The following PCMT1 variants were observed in gnomAD, a reference collection of about 807,000 sequenced individuals.
PCMT1 encodes the protein protein-L-isoaspartate(D-aspartate) O-methyltransferase.
Under a neutral mutation model 29.2 loss-of-function variants are expected in PCMT1, and 9 were observed. That is an observed-to-expected ratio of 0.31 (90% confidence interval 0.19 to 0.54). The LOEUF (loss-of-function observed/expected upper bound fraction) is 0.54, where lower values mean the gene tolerates loss of function less well. PCMT1 is among the 20% of genes least tolerant of loss of function. PCMT1 has a pLI of 0.95. For missense variants in PCMT1, 184 were observed against 282.2 expected (o/e 0.65, Z 2.49); for synonymous variants, 98 against 97.5 (o/e 1.00, Z -0.03).
chr6:149,769,784 T>A (rs1367498953), intron 1 of PCMT1, among the ~76,000 whole-genome samples: 2 of 145,286 alleles, frequency 1.4e-5, no homozygotes, highest in Non-Finnish European at 3.0e-5. Flanking sequence ...TTTTTTTTTT[T>A]TTTTTTTTTT....
intron 3 of PCMT1, among the ~76,000 whole-genome samples, chr6:149,789,115 A>C (rs1442095996): frequency 3.1e-5 from 4 of 129,144 alleles, no homozygotes; most frequent in African/African-American, 1.2e-4. Context: ...GCTCTGTTAC[A>C]GCCCAGGCTG....
At chr6:149,788,066 C>T (rs1480411635) in intron 3 of PCMT1, among the ~76,000 whole-genome samples, 2 of 152,028 alleles carry the variant, frequency 1.3e-5, no homozygotes, top group Non-Finnish European at 2.9e-5. Context: ...TACAGGCGCC[C>T]ACCACCACGC....
chr6:149,750,451 G>T (rs902925308), intron 1 of PCMT1, among the ~76,000 whole-genome samples: 1 of 152,108 alleles, frequency 6.6e-6, no homozygotes, highest in African/African-American at 2.4e-5. Flanking sequence ...CCCGCCCTCC[G>T]TTTTTTCCCC....
intron 5 of PCMT1, chr6:149,795,234 G>A: frequency 2.6e-6 from 1 of 390,230 alleles, no homozygotes; most frequent in South Asian, 2.4e-5. Context: ...CAACACGACA[G>A]CGCCATGTTG....
chr6:149,802,499 G>A, intron 7 of PCMT1, 83 bp downstream of exon 7: 1 of 1,314,964 alleles, frequency 7.6e-7, no homozygotes, highest in South Asian at 2.7e-5. Context: ...TATAACGTCA[G>A]AAATTCATTA....
intron 5 of PCMT1, 39 bp from the exon 6 acceptor site, chr6:149,796,376 T>A: frequency 7.1e-7 from 1 of 1,408,754 alleles, no homozygotes; most frequent in Non-Finnish European, 1.0e-6. Flanking sequence ...TTAAGTTTGA[T>A]CTAAACAGGT....
chr6:149,761,919 A>G (rs922605918), intron 1 of PCMT1, among the ~76,000 whole-genome samples: 30 of 152,158 alleles, frequency 2.0e-4, no homozygotes, highest in Non-Finnish European at 1.5e-4. Flanking sequence ...ACTTTGCTGA[A>G]CGATGTAGTG....
At chr6:149,772,310 A>C in intron 2 of PCMT1, 1 of 330,560 alleles carries the variant, frequency 3.0e-6, no homozygotes, top group South Asian at 2.4e-5. Context: ...AACCACGAAA[A>C]GATTGTGTGA....
At chr6:149,778,724 A>G (rs1313443158) in intron 3 of PCMT1, among the ~76,000 whole-genome samples, 1 of 151,870 alleles carries the variant, frequency 6.6e-6, no homozygotes, top group Non-Finnish European at 1.5e-5. Flanking sequence ...TTTTCTGTAG[A>G]GATGAGGACT....
intron 6 of PCMT1, among the ~76,000 whole-genome samples, chr6:149,801,871 G>GT (rs1170135744): frequency 6.6e-6 from 1 of 152,072 alleles, no homozygotes; most frequent in African/African-American, 2.4e-5. Flanking sequence ...GCTCACGCCT[G>GT]TAATCCAAGC....
chr6:149,771,515 GA>G (rs1437111254), intron 2 of PCMT1, among the ~76,000 whole-genome samples: 15 of 152,182 alleles, frequency 9.9e-5, no homozygotes, highest in Non-Finnish European at 2.1e-4. Context: ...ATATTTTAGT[GA>G]AAAAAACTTT....
intron 3 of PCMT1, among the ~76,000 whole-genome samples, chr6:149,786,076 G>A (rs540130947): frequency 2.1e-5 from 3 of 143,532 alleles, no homozygotes; most frequent in East Asian, 4.4e-4. Context: ...GTGGCTAGCC[G>A]GGCAGAGGAG....
At chr6:149,757,013 G>A (rs1023668613) in intron 1 of PCMT1, among the ~76,000 whole-genome samples, 20 of 151,958 alleles carry the variant, frequency 1.3e-4, no homozygotes, top group African/African-American at 4.8e-4. Flanking sequence ...AAATTAGCTG[G>A]GCATGGTGAC....
chr6:149,800,960 G>A (rs1387649583), intron 6 of PCMT1, among the ~76,000 whole-genome samples: 1 of 152,168 alleles, frequency 6.6e-6, no homozygotes, highest in Non-Finnish European at 1.5e-5. Context: ...AGTTGTACCA[G>A]GTACTGTGTT....
At chr6:149,770,388 C>T (rs1480795572) in intron 1 of PCMT1, among the ~76,000 whole-genome samples, 1 of 152,140 alleles carries the variant, frequency 6.6e-6, no homozygotes, top group Non-Finnish European at 1.5e-5. Flanking sequence ...CATTATCCTT[C>T]TAGTTTTCTG....
intron 3 of PCMT1, among the ~76,000 whole-genome samples, chr6:149,787,289 T>G (rs113281309): frequency 0.2 from 27,369 of 139,736 alleles, 8,387 homozygotes; most frequent in African/African-American, 0.65. Context: ...AGACCGTGGG[T>G]AGAGGGAGAC....
intron 1 of PCMT1, among the ~76,000 whole-genome samples, chr6:149,760,735 C>G (rs1044659931): frequency 1.3e-5 from 2 of 152,036 alleles, no homozygotes; most frequent in Non-Finnish European, 2.9e-5. Flanking sequence ...GCCTATAGTC[C>G]CAGCTACTTG....
At chr6:149,776,841 C>G (rs1030712241) in intron 3 of PCMT1, among the ~76,000 whole-genome samples, 1 of 152,098 alleles carries the variant, frequency 6.6e-6, no homozygotes, top group Non-Finnish European at 1.5e-5. Flanking sequence ...CAGTCACATA[C>G]TTTTTTTGTG....
At chr6:149,795,187 T>A in intron 5 of PCMT1, 1 of 290,126 alleles carries the variant, frequency 3.4e-6, no homozygotes, top group Non-Finnish European at 6.1e-6. Flanking sequence ...GAGCGAGACT[T>A]CGTCTCAAAA....
Sources: allele counts gnomAD v4.1 joint callset (sites outside exome capture counted in the v4.1 genomes callset), GRCh38; gene constraint gnomAD v4.1.1; transcripts MANE v1.5; gene names NCBI Gene and HGNC (gene_info 2026-07-23, HGNC 2026-07-21).